LINGO1: variants seen among roughly 807,000 people sequenced by gnomAD.
LINGO1 encodes leucine-rich repeat and immunoglobulin-like domain-containing nogo receptor-interacting protein 1.
A neutral mutation model predicts 37.3 loss-of-function variants in LINGO1; 11 were observed. The observed-to-expected ratio is 0.29, with a 90% confidence interval of 0.19 to 0.49. The LOEUF is 0.49. Among genes scored for constraint, LINGO1 ranks in the 20% least tolerant of loss-of-function variants. LINGO1 has a pLI of 0.99. For synonymous variants in LINGO1, 387 were observed against 403.0 expected (o/e 0.96, Z 0.48); for missense variants, 585 against 878.2 (o/e 0.67, Z 4.22).
intron 3 of LINGO1, among the ~76,000 whole-genome samples, chr15:77,664,164 T>TGCGCGCGCGC (rs1161696784): frequency 0.025 from 2,658 of 107,878 alleles, 51 homozygotes; most frequent in Non-Finnish European, 0.035. Flanking sequence ...TGTGTGTGTG[T>TGCGCGCGCGC]GTGTGTGCGC....
At chr15:77,693,750 G>A (rs2075644433) in intron 1 of LINGO1, among the ~76,000 whole-genome samples, 1 of 152,192 alleles carries the variant, frequency 6.6e-6, no homozygotes, top group Admixed American at 6.5e-5. Context: ...GATTCGGGCA[G>A]TGTGTTGTGG....
In LINGO1 at chr15:77,756,038, T is replaced by C. The variant is rs1018214166; in HGVS notation, c.-256-20985A>G. On this transcript the variant is annotated intron_variant, in intron 1 of 3. Transcript: ENST00000561686. The stretch of plus-strand genomic sequence containing the variant: ...TCAGCAAAGGCTTGCTGGTGGGAAG[T>C]AGGGGGGTGGCAGGGTGTTGAGGCC... Among the ~76,000 whole-genome samples, 5 of 151,136 alleles carry C rather than the reference T, an allele frequency of 3.3e-5. No individual in the cohort carries two copies. The East Asian group carries it at 7.8e-4, about 23-fold the overall frequency.
At chr15:77,642,115 C>T (rs1272355009) in intron 3 of LINGO1, among the ~76,000 whole-genome samples, 5 of 152,206 alleles carry the variant, frequency 3.3e-5, no homozygotes, top group Admixed American at 6.5e-5. Flanking sequence ...TCCACCTCTG[C>T]CTTCCACCCC....
intron 1 of LINGO1, among the ~76,000 whole-genome samples, chr15:77,739,962 T>C (rs535855547): frequency 1.3e-5 from 2 of 152,388 alleles, no homozygotes; most frequent in South Asian, 4.1e-4. Flanking sequence ...CCAGTGTTTA[T>C]GGAGCACCTA....
At chr15:77,776,548 G>A (rs2076655544) in intron 1 of LINGO1, among the ~76,000 whole-genome samples, 1 of 150,372 alleles carries the variant, frequency 6.7e-6, no homozygotes, top group African/African-American at 2.5e-5. Flanking sequence ...GAGGGAGGGA[G>A]GGAGGGAGGG....
chr15:77,714,797 C>T (rs947243311), intron 2 of LINGO1, among the ~76,000 whole-genome samples: 1 of 152,214 alleles, frequency 6.6e-6, no homozygotes, highest in Admixed American at 6.5e-5. Flanking sequence ...CACGTCTCTA[C>T]GCGCCCACAC....
At chr15:77,756,705 A>G (rs1404279941) in intron 1 of LINGO1, among the ~76,000 whole-genome samples, 4 of 152,244 alleles carry the variant, frequency 2.6e-5, no homozygotes, top group Admixed American at 1.3e-4. Context: ...AGTGTTAAGA[A>G]CATCAACATG....
intron 2 of LINGO1, among the ~76,000 whole-genome samples, chr15:77,679,234 A>G (rs2075375546): frequency 6.6e-6 from 1 of 152,198 alleles, no homozygotes; most frequent in Admixed American, 6.5e-5. Context: ...TTCCTTAATT[A>G]CTAATAATGA....
chr15:77,731,908 C>T (rs549512942), intron 2 of LINGO1, among the ~76,000 whole-genome samples: 1 of 152,258 alleles, frequency 6.6e-6, no homozygotes, highest in Non-Finnish European at 1.5e-5. Context: ...GAAGCTGGAG[C>T]CGCCTCCCCC....
chr15:77,621,659 G>A (rs1407509191), intron 1 of LINGO1, among the ~76,000 whole-genome samples: 1 of 152,294 alleles, frequency 6.6e-6, no homozygotes, highest in Non-Finnish European at 1.5e-5. Flanking sequence ...CTACACCCAG[G>A]CATCTGCCCC....
In LINGO1 at chr15:77,817,849, T is replaced by C. The variant is rs138620334; in HGVS notation, c.-458+2409A>G. Among the ~76,000 whole-genome samples, 1,083 of 152,238 alleles carry C rather than the reference T, an allele frequency of 7.1e-3. 12 individuals carry two copies. The highest frequency in any genetic ancestry group is 0.025 in the African/African-American group (1,024 of 41,540). Reference sequence around the variant, plus strand: ...CTCCTCTGTGAAATGGATAAGCAACTTGCCCACCGGTCCTGCATTCTCACA... The same window carrying C: ...CTCCTCTGTGAAATGGATAAGCAACCTGCCCACCGGTCCTGCATTCTCACA... On this transcript the variant is annotated intron_variant, in intron 1 of 5. Transcript: ENST00000562933.
rs149763343 is a variant in LINGO1 at position 77,645,705 on chromosome 15, A to G, written c.-12-29805T>C. On this transcript the variant is annotated intron_variant, in intron 3 of 3. Coordinates refer to the LINGO1 transcript ENST00000559893. ...ATCCCATACACGTCTTCCCAGTCCC[A>G]CCAGAGAGCTGGCTCCAGACCCGCT... is the stretch of plus-strand genomic sequence containing the variant. Among the ~76,000 whole-genome samples, 158 of 152,266 alleles carry G rather than the reference A, an allele frequency of 1.0e-3. 3 individuals carry two copies. The East Asian group carries it at 0.024, about 23-fold the overall frequency.
intron 3 of LINGO1, among the ~76,000 whole-genome samples, chr15:77,645,136 C>A (rs1755202845): frequency 1.3e-5 from 2 of 152,174 alleles, no homozygotes; most frequent in South Asian, 4.1e-4. Context: ...GCTGTGGACC[C>A]CTCTCTGCAC....
chr15:77,686,652 T>C (rs1383642698), intron 2 of LINGO1, among the ~76,000 whole-genome samples: 1 of 152,200 alleles, frequency 6.6e-6, no homozygotes, highest in African/African-American at 2.4e-5. Flanking sequence ...TCAGTTATGC[T>C]GGGAGAACAC....
At position 77,704,186 on chromosome 15, in the gene LINGO1, T is replaced by C. The variant is rs115899883; in HGVS notation, c.-194-13285A>G. Among the ~76,000 whole-genome samples the C allele has an allele frequency of 8.9e-3, 1,362 of 152,310 alleles. 21 individuals are homozygous for C. The highest frequency in any genetic ancestry group is 0.031 in the African/African-American group (1,293 of 41,572). The stretch of plus-strand genomic sequence containing the variant: ...CAGAAGCTACGACCATTCAAGCTTC[T>C]GCTCATCAGGGCTCAGAGAGGTGGC... On this transcript the variant is annotated intron_variant, in intron 2 of 3. Transcript: ENST00000561686.
At chr15:77,623,520 C>T (rs1467698132) in intron 1 of LINGO1, among the ~76,000 whole-genome samples, 1 of 152,216 alleles carries the variant, frequency 6.6e-6, no homozygotes, top group Non-Finnish European at 1.5e-5. Context: ...TGGGGGGCTG[C>T]CTCCTGGCCC....
chr15:77,708,334 G>A (rs1042444873), intron 2 of LINGO1, among the ~76,000 whole-genome samples: 15 of 152,144 alleles, frequency 9.9e-5, no homozygotes, highest in Non-Finnish European at 1.9e-4. Flanking sequence ...GTGGGGAATC[G>A]GGAGGCTGGA....
In LINGO1 at chr15:77,614,379, C is replaced by A. The variant is rs747721754; in HGVS notation, c.1528G>T (p.Ala510Ser). ...GAGTAGCTGCGCACATGCAGGTGGGCGGGCATGGAGTCGTTGCCGCCCGCG... is the reference window on the plus strand; with the variant it reads ...GAGTAGCTGCGCACATGCAGGTGGGAGGGCATGGAGTCGTTGCCGCCCGCG... ...ANAGGNDSMP[A>S]HLHVRSYSPD... The change falls in exon 2 of 2, where the codon GCC (alanine) becomes TCC (serine). Residue 510 changes from alanine (A) to serine (S), a missense_variant. Coordinates refer to ENST00000355300, the MANE Select transcript of LINGO1 (RefSeq NM_032808.7). 1.2e-6 allele frequency: 2 copies of A among 1,613,632 alleles called. No individual in the cohort carries two copies. Among genetic ancestry groups the A allele is most frequent in the Middle Eastern group, 1.6e-4 (1 of 6,062 alleles).
intron 2 of LINGO1, among the ~76,000 whole-genome samples, chr15:77,686,172 C>G (rs557726848): frequency 6.6e-6 from 1 of 152,154 alleles, no homozygotes; most frequent in Non-Finnish European, 1.5e-5. Context: ...AGTCTGTGGT[C>G]GGAGGCCTCA....
Sources: allele counts gnomAD v4.1 joint callset (sites outside exome capture counted in the v4.1 genomes callset), GRCh38; gene constraint gnomAD v4.1.1; transcripts MANE v1.5; gene names NCBI Gene and HGNC (gene_info 2026-07-23, HGNC 2026-07-21).